The following MEIS1 variants were observed in gnomAD, a reference collection of about 807,000 sequenced individuals.
MEIS1 encodes Meis homeobox 1.
MEIS1 carries 5 observed loss-of-function variants against 50.8 expected under a neutral mutation model. That is an observed-to-expected ratio of 0.10 (90% confidence interval 0.05 to 0.21). The LOEUF is 0.21. MEIS1 is among the 10% of genes least tolerant of loss of function. The pLI, the probability that MEIS1 is intolerant of heterozygous loss-of-function variation, is 1.00. For synonymous variants in MEIS1, 176 were observed against 179.3 expected, an observed-to-expected ratio of 0.98 and a Z score of 0.15; for missense variants, 318 against 517.3, an observed-to-expected ratio of 0.61 and a Z score of 3.74.
intron 5 of MEIS1, 69 bp from the exon 6 acceptor site, chr2:66,442,833 T>C (rs1672029777): frequency 2.8e-6 from 4 of 1,423,922 alleles, no homozygotes; most frequent in Non-Finnish European, 2.8e-6. Context: ...GGGGGGTGGA[T>C]TGCACTTGTC....
intron 1 of MEIS1, 100 bp from the exon 2 acceptor site, chr2:66,437,637 G>T (rs1289434638): frequency 3.0e-6 from 3 of 1,007,156 alleles, no homozygotes; most frequent in East Asian, 2.6e-5. Context: ...CGGGTGGAAG[G>T]ACCCAGCTGT....
At chr2:66,529,524 C>T (rs1300417167) in intron 8 of MEIS1, among the ~76,000 whole-genome samples, 4 of 152,176 alleles carry the variant, frequency 2.6e-5, no homozygotes, top group Admixed American at 1.3e-4. Flanking sequence ...GCAGCCTCCA[C>T]CTCCCAGGTT....
chr2:66,500,721 G>A (rs1233165333), intron 7 of MEIS1, among the ~76,000 whole-genome samples: 10 of 152,088 alleles, frequency 6.6e-5, no homozygotes, highest in East Asian at 1.9e-4. Context: ...CACCGTGCCC[G>A]GCCAGCTTTT....
rs1386151000 is a variant in MEIS1, at chr2:66,541,369, A to G, written c.889-6574A>G. On this transcript the variant is annotated intron_variant, in intron 8 of 12. Transcript: ENST00000272369. ...TAGTATTGGTCTCTTATAATTGGCT[A>G]TAAAACAATGTCTTTACTACTGTGT... 3.3e-5 allele frequency among the ~76,000 whole-genome samples: 5 copies of G among 152,204 alleles called. No individual in the cohort carries two copies. The East Asian group carries it at 7.7e-4, about 23-fold the overall frequency.
At chr2:66,543,904 T>C (rs1674718430) in intron 8 of MEIS1, among the ~76,000 whole-genome samples, 2 of 152,216 alleles carry the variant, frequency 1.3e-5, no homozygotes, top group Admixed American at 6.5e-5. Context: ...TCAAATTTGC[T>C]TTGATATCCC....
intron 8 of MEIS1, among the ~76,000 whole-genome samples, chr2:66,515,630 T>C (rs1673946989): frequency 6.6e-6 from 1 of 152,138 alleles, no homozygotes; most frequent in Non-Finnish European, 1.5e-5. Flanking sequence ...AGTTTTAAAC[T>C]TTGGTGATTA....
rs1369511929 is a variant in MEIS1, at chr2:66,435,235, CA to C, written c.-621del. 1 of 152,592 alleles carries C rather than the reference CA, an allele frequency of 6.6e-6. No individual in the cohort carries two copies. The highest frequency in any genetic ancestry group is 1.5e-5 in the Non-Finnish European group (1 of 68,370). The allele number at this position is 152,592 out of a possible 1,614,324, so 9.5% of individuals were successfully genotyped here. On this transcript the variant is annotated 5_prime_UTR_variant, in exon 1 of 13. Coordinates refer to ENST00000272369, the MANE Select transcript of MEIS1 (RefSeq NM_002398.3). ...CTCCTTTAAGACAAACTCAGACAGA[CA>C]TTTTTTTTAACCCTCCTTCTCTAAT... is the stretch of plus-strand genomic sequence containing the variant.
intron 7 of MEIS1, among the ~76,000 whole-genome samples, chr2:66,483,997 T>C (rs1673079736): frequency 6.6e-6 from 1 of 152,232 alleles, no homozygotes; most frequent in Admixed American, 6.5e-5. Flanking sequence ...TACATCAATG[T>C]TACTGGTAAA....
At position 66,565,041 on chromosome 2, in the gene MEIS1, G is replaced by C. The variant is rs368153208; in HGVS notation, c.966-2412G>C. Among the ~76,000 whole-genome samples, 45 of 152,088 alleles carry C rather than the reference G, an allele frequency of 3.0e-4. 1 individual carries two copies. In the South Asian group the frequency reaches 8.9e-3, roughly 30 times the overall value. On this transcript the variant is annotated intron_variant, in intron 9 of 12. Coordinates refer to ENST00000272369, the MANE Select transcript of MEIS1 (RefSeq NM_002398.3). ...GTGAGTGCTGTATTAGTTCAGCAGA[G>C]GTTACCTATGTACTTTTGGGGGACA... is the stretch of plus-strand genomic sequence containing the variant.
intron 10 of MEIS1, chr2:66,568,351 A>T (rs1239161137): frequency 3.8e-6 from 1 of 261,912 alleles, no homozygotes; most frequent in Non-Finnish European, 7.4e-6. Flanking sequence ...CTATGTTAGC[A>T]TCGCATTGAG....
intron 6 of MEIS1, among the ~76,000 whole-genome samples, chr2:66,457,551 C>T (rs117359485): frequency 1.3e-5 from 2 of 152,224 alleles, no homozygotes; most frequent in East Asian, 3.9e-4. Flanking sequence ...CTCTCTGATC[C>T]CTTTCCTCAG....
At chr2:66,567,352 A>C in intron 9 of MEIS1, 101 bp from the exon 10 acceptor site, 1 of 1,289,172 alleles carries the variant, frequency 7.8e-7, no homozygotes, top group Non-Finnish European at 1.1e-6. Context: ...CCATTTTGCC[A>C]AGATCTAGTT....
chr2:66,482,175 A>G (rs549243392), intron 7 of MEIS1, among the ~76,000 whole-genome samples: 78 of 152,212 alleles, frequency 5.1e-4, no homozygotes, highest in African/African-American at 1.6e-3. Context: ...CCATTATTTA[A>G]TAAATATATT....
Position 66,548,038 on chromosome 2 carries a change from T to G in MEIS1, c.965+19T>G. The G allele has an allele frequency of 6.2e-7, 1 of 1,611,166 alleles. No individual in the cohort carries two copies. The highest frequency in any genetic ancestry group is 1.1e-5 in the South Asian group (1 of 90,696). The stretch of plus-strand genomic sequence containing the variant: ...ACAATTGGTAAGTAATTTGGCTTTG[T>G]GTTTACACACAATCTGTTTCCCCCT... On this transcript the variant is annotated intron_variant, in intron 9 of 12. Transcript: ENST00000272369.
intron 6 of MEIS1, 124 bp from the exon 7 acceptor site, chr2:66,463,985 G>C: frequency 1.5e-6 from 1 of 669,008 alleles, no homozygotes; most frequent in Non-Finnish European, 2.6e-6. Flanking sequence ...GGTTGAAGGG[G>C]GATGGGAAAG....
intron 6 of MEIS1, chr2:66,445,390 C>G (rs1672106439): frequency 6.6e-6 from 1 of 152,564 alleles, no homozygotes; most frequent in Middle Eastern, 3.4e-3. Context: ...AGCTGAGGCG[C>G]GACGAATGAA....
chr2:66,437,604 A>G lies in MEIS1; in HGVS notation c.13-133A>G, dbSNP rs570523965. ...TTTAAAATAAGAAAAACTCAGCTTT[A>G]TAGATGCAAGGCCACCGAATTCCGG... On this transcript the variant is annotated intron_variant, in intron 1 of 12. Transcript: ENST00000272369. The G allele has an allele frequency of 9.1e-4, 665 of 734,114 alleles. 2 individuals carry two copies. The highest frequency in any genetic ancestry group is 4.9e-3 in the Middle Eastern group (14 of 2,840). The allele number at this position is 734,114 out of a possible 1,614,324, so 45.5% of individuals were successfully genotyped here.
At chr2:66,521,076 A>G (rs148174247) in intron 8 of MEIS1, among the ~76,000 whole-genome samples, 15 of 152,384 alleles carry the variant, frequency 9.8e-5, no homozygotes, top group African/African-American at 3.6e-4. Flanking sequence ...AGGGTCAAGA[A>G]TGGTCCTTCC....
intron 6 of MEIS1, among the ~76,000 whole-genome samples, chr2:66,444,544 C>G (rs1672080388): frequency 1.3e-5 from 2 of 152,360 alleles, no homozygotes; most frequent in South Asian, 4.1e-4. Context: ...GCACTGTGAT[C>G]TGGAGAGTTG....
Sources: gnomAD v4.1 joint callset for allele counts (sites outside exome capture counted in the v4.1 genomes callset) on GRCh38, gnomAD v4.1.1 for gene constraint, MANE v1.5 for transcripts, NCBI Gene and HGNC (gene_info 2026-07-23, HGNC 2026-07-21) for gene names.